The following SLTM variants were observed in gnomAD, a reference collection of about 807,000 sequenced individuals.
SLTM encodes the protein SAFB-like transcription modulator.
Under a neutral mutation model 134.6 loss-of-function variants are expected in SLTM, and 43 were observed. The ratio of observed to expected loss-of-function variants is 0.32; its 90% confidence interval spans 0.25 to 0.41. The LOEUF (loss-of-function observed/expected upper bound fraction) is 0.41. Ranked by LOEUF, SLTM falls within the 10% of genes least tolerant of loss-of-function variation. The probability of loss-of-function intolerance (pLI) is 1.00; values close to 1 mark genes in which losing one functional copy is unlikely to be tolerated. For synonymous variants in SLTM, 424 were observed against 432.3 expected, an observed-to-expected ratio of 0.98 and a Z score of 0.24; for missense variants, 1,055 against 1,288.8, an observed-to-expected ratio of 0.82 and a Z score of 2.78.
At chr15:58,930,288 T>C (rs2037778584) in intron 2 of SLTM, among the ~76,000 whole-genome samples, 1 of 150,094 alleles carries the variant, frequency 6.7e-6, no homozygotes, top group African/African-American at 2.5e-5. Flanking sequence ...GCTATTTTTT[T>C]TTTTTTTTTT....
intron 5 of SLTM, among the ~76,000 whole-genome samples, chr15:58,912,052 T>C (rs1567141595): frequency 6.6e-6 from 1 of 151,686 alleles, no homozygotes; most frequent in Non-Finnish European, 1.5e-5. Context: ...AGGAAACTCA[T>C]AGTAACTCCA....
chr15:58,892,829 T>TA, intron 14 of SLTM, 68 bp downstream of exon 14: 1 of 1,479,952 alleles, frequency 6.8e-7, no homozygotes, highest in Non-Finnish European at 9.2e-7. Context: ...TCCAGAAATA[T>TA]GGCTTACAAC....
chr15:58,883,485 T>C, intron 20 of SLTM, 141 bp downstream of exon 20: 1 of 1,060,020 alleles, frequency 9.4e-7, no homozygotes, highest in African/African-American at 1.6e-5. Context: ...TTTTGGAGAC[T>C]ACGGGTTGAT....
Position 58,899,873 on chromosome 15 carries a change from T to C in SLTM, c.654A>G (p.Leu218=). 1 of 1,614,098 alleles carries C rather than the reference T, an allele frequency of 6.2e-7. No individual in the cohort carries two copies. Among genetic ancestry groups the C allele is most frequent in the South Asian group, 1.1e-5 (1 of 91,078 alleles). The change falls in exon 7 of 21, where the codon CTA becomes CTG. Residue 218 remains leucine (L), a synonymous_variant. Transcript: ENST00000380516. This position sits in a 1 kb window ranked among gnomAD's most constrained non-coding sequence, Gnocchi z 5.0. The part of the protein sequence containing the change: ...VSKPLPSEGS[L]AEADHTAHEE... ...CATGAGCTGTGTGATCAGCCTCAGC[T>C]AGGCTCCCTTCTGAAGGAAGAGGTT...
chr15:58,884,263 G>A (rs1229145580), intron 19 of SLTM, among the ~76,000 whole-genome samples: 4 of 152,144 alleles, frequency 2.6e-5, no homozygotes, highest in Non-Finnish European at 5.9e-5. Flanking sequence ...ATTTTGTAGT[G>A]AGAAGCTACT....
In SLTM at chr15:58,933,394, C is replaced by T. The variant is rs779185139; in HGVS notation, c.162+10G>A. On this transcript the variant is annotated intron_variant, in intron 1 of 20. Transcript: ENST00000380516. ...CTTCCCGGTCCTTTCCGGTCCTCGC[C>T]GGGCCTCACCTGCTTGAGTCGGGAG... The T allele has an allele frequency of 2.4e-5, 38 of 1,571,182 alleles. No individual in the cohort carries two copies. Among genetic ancestry groups the T allele is most frequent in the Non-Finnish European group, 3.0e-5 (35 of 1,158,308 alleles).
intron 5 of SLTM, 132 bp downstream of exon 5, chr15:58,912,431 C>T (rs766881246): frequency 4.7e-6 from 4 of 842,140 alleles, no homozygotes; most frequent in South Asian, 1.5e-5. Context: ...ACTTTGTGTA[C>T]ATCACGTAAA....
intron 6 of SLTM, among the ~76,000 whole-genome samples, chr15:58,900,171 G>A (rs1444912406): frequency 6.6e-6 from 1 of 152,010 alleles, no homozygotes; most frequent in Non-Finnish European, 1.5e-5. Context: ...CAACAATAGT[G>A]AGAAAATGGT....
At chr15:58,893,506 A>G in intron 12 of SLTM, 142 bp from the exon 13 acceptor site, 1 of 654,844 alleles carries the variant, frequency 1.5e-6, no homozygotes, top group Non-Finnish European at 2.5e-6. Flanking sequence ...ACTTCAATGC[A>G]AAGAGTTTTT....
intron 14 of SLTM, 89 bp downstream of exon 14, chr15:58,892,808 G>C: frequency 7.4e-7 from 1 of 1,350,866 alleles, no homozygotes; most frequent in Non-Finnish European, 1.0e-6. Flanking sequence ...GTTTTCTGTG[G>C]GAATACAATT....
intron 20 of SLTM, 104 bp downstream of exon 20, chr15:58,883,522 G>C (rs1469385164): frequency 6.9e-7 from 1 of 1,453,208 alleles, no homozygotes; most frequent in African/African-American, 1.4e-5. Flanking sequence ...GCAGATCTAG[G>C]GTTTTCAGTA....
intron 5 of SLTM, among the ~76,000 whole-genome samples, chr15:58,902,385 GA>G (rs2035543314): frequency 2.5e-5 from 2 of 81,042 alleles, no homozygotes; most frequent in African/African-American, 4.7e-5. Flanking sequence ...GAAATGTTTT[GA>G]TTGTTTTTTT....
At chr15:58,901,343 G>A (rs2035474737) in intron 5 of SLTM, 56 bp from the exon 6 acceptor site, 5 of 1,426,682 alleles carry the variant, frequency 3.5e-6, no homozygotes, top group Non-Finnish European at 3.9e-6. Flanking sequence ...CTAGATTTTA[G>A]TAATAGTACA....
At chr15:58,925,944 A>T (rs550642450) in intron 2 of SLTM, among the ~76,000 whole-genome samples, 1 of 152,354 alleles carries the variant, frequency 6.6e-6, no homozygotes, top group Non-Finnish European at 1.5e-5. Context: ...AAAACTGAAA[A>T]GTATATAAAA....
At chr15:58,905,623 G>C (rs773946842) in intron 5 of SLTM, among the ~76,000 whole-genome samples, 1 of 152,000 alleles carries the variant, frequency 6.6e-6, no homozygotes, top group Non-Finnish European at 1.5e-5. Context: ...CAGATGCGAA[G>C]AGCACACCAC....
chr15:58,883,102 G>T (rs1405536953), intron 20 of SLTM, among the ~76,000 whole-genome samples: 2 of 152,294 alleles, frequency 1.3e-5, no homozygotes, highest in African/African-American at 4.8e-5. Context: ...ATCCCCTGAG[G>T]TCAGGAGTTC....
intron 16 of SLTM, 72 bp downstream of exon 16, chr15:58,889,358 T>C: frequency 6.3e-7 from 1 of 1,580,438 alleles, no homozygotes; most frequent in Non-Finnish European, 8.6e-7. Context: ...CTGTACTTTC[T>C]AATTCTCTAG....
At chr15:58,895,087 T>C (rs2034981465) in intron 9 of SLTM, among the ~76,000 whole-genome samples, 1 of 152,182 alleles carries the variant, frequency 6.6e-6, no homozygotes, top group Non-Finnish European at 1.5e-5. Context: ...CAAAAAGCAA[T>C]TTAACCTTTT....
chr15:58,913,009 C>T (rs2036392071), intron 4 of SLTM, among the ~76,000 whole-genome samples: 1 of 152,086 alleles, frequency 6.6e-6, no homozygotes, highest in Admixed American at 6.5e-5. Flanking sequence ...AAGTAATTCC[C>T]CACCCTTGAT....
Sources: gnomAD v4.1 joint callset for allele counts (sites outside exome capture counted in the v4.1 genomes callset) on GRCh38, gnomAD v4.1.1 for gene constraint, Gnocchi (gnomAD v3.1) non-coding constraint, MANE v1.5 for transcripts, NCBI Gene and HGNC (gene_info 2026-07-23, HGNC 2026-07-21) for gene names.